The following VWDE variants were observed in gnomAD, a reference collection of about 807,000 sequenced individuals.
The protein encoded by VWDE is von Willebrand factor D and EGF domains.
VWDE carries 207 observed loss-of-function variants against 178.4 expected under a neutral mutation model. That is an observed-to-expected ratio of 1.16 (90% CI 1.04 to 1.30). The LOEUF is 1.30. Among genes scored for constraint, VWDE ranks in the 50% most tolerant of loss-of-function variants. The pLI is 0.00. For synonymous variants in VWDE, 738 were observed against 651.4 expected (o/e 1.13, Z -2.02); for missense variants, 2,287 against 1,901.3 (o/e 1.20, Z -3.77).
chr7:12,373,899 G>A lies in VWDE; in HGVS notation c.1317-652C>T, dbSNP rs180846428. ...TTATAACCGTAAAGGATTCTTGCCC[G>A]TTAGATCAGTTCCTTCAGGTTCTTA... On this transcript the variant is annotated intron_variant, in intron 9 of 28. Coordinates refer to ENST00000275358, the MANE Select transcript of VWDE (RefSeq NM_001135924.3). 2.6e-4 allele frequency among the ~76,000 whole-genome samples: 39 copies of A among 152,178 alleles called. 1 individual carries two copies. Among genetic ancestry groups the A allele is most frequent in the Admixed American group, 2.6e-3 (39 of 15,272 alleles).
chr7:12,331,172 C>T lies in VWDE; in HGVS notation c.*11G>A, dbSNP rs1398614875. 5.2e-6 allele frequency: 8 copies of T among 1,540,244 alleles called. No individual in the cohort carries two copies. In the Admixed American group the frequency reaches 9.9e-5, roughly 19 times the overall value. Reference sequence around the variant, plus strand: ...AAGATACAGGCTTGTAATTCATATACTTGATGCTACTCAATGGCGTCTTAT... The same window carrying T: ...AAGATACAGGCTTGTAATTCATATATTTGATGCTACTCAATGGCGTCTTAT... On this transcript the variant is annotated 3_prime_UTR_variant, in exon 29 of 29. Coordinates refer to ENST00000275358, the MANE Select transcript of VWDE (RefSeq NM_001135924.3).
Position 12,357,482 on chromosome 7 carries a change from T to C in VWDE, c.3308A>G (p.Asp1103Gly). The C allele has an allele frequency of 6.4e-7, 1 of 1,552,226 alleles. No homozygotes were observed. Among genetic ancestry groups the C allele is most frequent in the Non-Finnish European group, 8.7e-7 (1 of 1,147,140 alleles). The change falls in exon 17 of 29, where the codon GAC becomes GGC. Residue 1103 changes from aspartate to glycine, a missense_variant. Coordinates refer to ENST00000275358, the MANE Select transcript of VWDE (RefSeq NM_001135924.3). ...TTCACCATAAAATGTCTGTAATTTG[T>C]CTTGCAATGCTTGAATCACTGGGGG... Reference protein sequence around the residue: ...NQPPVIQALQDKLQTFYGENF... With the variant: ...NQPPVIQALQGKLQTFYGENF...
intron 1 of VWDE, among the ~76,000 whole-genome samples, chr7:12,400,193 A>G (rs1355352076): frequency 2.0e-5 from 3 of 152,128 alleles, no homozygotes; most frequent in Non-Finnish European, 4.4e-5. Context: ...ACCTAAAGGA[A>G]GCAGAAGGAA....
At chr7:12,377,417 A>G (rs565689072) in intron 7 of VWDE, 1 of 158,458 alleles carries the variant, frequency 6.3e-6, no homozygotes, top group Admixed American at 6.5e-5. Flanking sequence ...GAAAAATCTT[A>G]AAGAGCAGTT....
intron 24 of VWDE, among the ~76,000 whole-genome samples, chr7:12,338,261 G>A (rs1781142644): frequency 6.6e-6 from 1 of 151,762 alleles, no homozygotes; most frequent in Admixed American, 6.6e-5. Flanking sequence ...AGTATTTTAG[G>A]CTGAAGTTTT....
chr7:12,345,383 T>C (rs561378407), intron 19 of VWDE, among the ~76,000 whole-genome samples: 3 of 152,250 alleles, frequency 2.0e-5, no homozygotes, highest in Non-Finnish European at 2.9e-5. Flanking sequence ...CTGAAGAGTT[T>C]CATACTACCT....
intron 26 of VWDE, among the ~76,000 whole-genome samples, chr7:12,336,676 C>T (rs1781050875): frequency 6.6e-6 from 1 of 151,814 alleles, no homozygotes; most frequent in Admixed American, 6.6e-5. Context: ...GAGGTGGGGC[C>T]AAGAAGTCAG....
At chr7:12,351,547 A>G in intron 19 of VWDE, 26 bp downstream of exon 19, 1 of 1,523,218 alleles carries the variant, frequency 6.6e-7, no homozygotes, top group Non-Finnish European at 8.8e-7. Context: ...ACTTGTCATT[A>G]GATTTTAACT....
At position 12,387,493 on chromosome 7, in the gene VWDE, C is replaced by T. The variant is rs113564880; in HGVS notation, c.475+1634G>A. Reference sequence around the variant, plus strand: ...ACTGGTTTAAATTCCAAAGCTATGACGAGCAAAATAATTTTTGAGATTGGG... The same window carrying T: ...ACTGGTTTAAATTCCAAAGCTATGATGAGCAAAATAATTTTTGAGATTGGG... On this transcript the variant is annotated intron_variant, in intron 3 of 28. Coordinates refer to ENST00000275358, the MANE Select transcript of VWDE (RefSeq NM_001135924.3). Among the ~76,000 whole-genome samples the T allele has an allele frequency of 7.4e-3, 1,123 of 151,656 alleles. 13 individuals carry two copies. Among genetic ancestry groups the T allele is most frequent in the African/African-American group, 0.023 (969 of 41,314 alleles).
chr7:12,343,087 T>A lies in VWDE; in HGVS notation c.4170A>T (p.Glu1390Asp), dbSNP rs1209744256. The A allele has an allele frequency of 6.5e-7, 1 of 1,548,696 alleles. No individual in the cohort carries two copies. Among genetic ancestry groups the A allele is most frequent in the East Asian group, 2.5e-5 (1 of 40,804 alleles). The part of the protein sequence containing the change: ...CPYGFVGPRC[E>D]TMVCNRHCEN... ...CATCAGGAGAGCTTTGCTTACTTGT[T>A]TCACACCTTGGTCCTACAAAACCAT... The change falls in exon 22 of 29, where the codon GAA becomes GAT. Residue 1390 changes from glutamate to aspartate, a missense_variant. Transcript: ENST00000275358.
In VWDE at chr7:12,393,667, TG is replaced by T; in HGVS notation, c.169del (p.His57IlefsTer26). The T allele has an allele frequency of 1.3e-6, 2 of 1,551,218 alleles. No individual in the cohort carries two copies. Among genetic ancestry groups the T allele is most frequent in the South Asian group, 1.2e-5 (1 of 84,040 alleles). On this transcript the variant is annotated frameshift_variant, in exon 2 of 29. Coordinates refer to ENST00000275358, the MANE Select transcript of VWDE (RefSeq NM_001135924.3). LOFTEE classifies it high-confidence loss of function. ...QSAVQDLICD[H>X]SLSPGWYRFL... is the part of the protein sequence containing the mutation. The stretch of plus-strand genomic sequence containing the variant: ...TCTATACCATCCAGGGGAGAGGGAA[TG>T]GTCACATATTAGGTCTTGAACAGCT...
At chr7:12,358,008 C>T (rs993020990) in intron 16 of VWDE, among the ~76,000 whole-genome samples, 7 of 152,096 alleles carry the variant, frequency 4.6e-5, no homozygotes, top group South Asian at 2.1e-4. Flanking sequence ...AGCTATAATA[C>T]GTGGAAGCCA....
chr7:12,365,024 C>T (rs189287123), intron 13 of VWDE, among the ~76,000 whole-genome samples: 1 of 152,142 alleles, frequency 6.6e-6, no homozygotes, highest in East Asian at 1.9e-4. Context: ...CTGGCCAGTG[C>T]TCTTCGAAAG....
chr7:12,335,174 G>T (rs1312627340), intron 27 of VWDE, among the ~76,000 whole-genome samples: 1 of 151,996 alleles, frequency 6.6e-6, no homozygotes, highest in African/African-American at 2.4e-5. Flanking sequence ...CAATACACTT[G>T]GCCACCAATT....
At chr7:12,379,599 A>ATTTTGG (rs754081368) in intron 5 of VWDE, 33 bp from the exon 6 acceptor site, 36 of 1,474,198 alleles carry the variant, frequency 2.4e-5, no homozygotes, top group Non-Finnish European at 8.2e-6. Context: ...ATCACTTAGA[A>ATTTTGG]ATTCAATTTT....
chr7:12,360,866 T>C (rs575449426), intron 15 of VWDE, among the ~76,000 whole-genome samples: 1 of 152,330 alleles, frequency 6.6e-6, no homozygotes, highest in Admixed American at 6.5e-5. Flanking sequence ...TTATTACTAC[T>C]GAAAAAACAA....
intron 19 of VWDE, 47 bp downstream of exon 19, chr7:12,351,522 CAAGT>C: frequency 2.0e-6 from 3 of 1,489,062 alleles, no homozygotes; most frequent in Non-Finnish European, 2.7e-6. Context: ...TTCTAGAAAA[CAAGT>C]AAGAGGAATT....
chr7:12,357,269 A>G lies in VWDE; in HGVS notation c.3521T>C (p.Ile1174Thr), dbSNP rs1194892949. The change falls in exon 17 of 29, where the codon ATT (isoleucine) becomes ACT (threonine). Residue 1174 changes from isoleucine to threonine, a missense_variant. Transcript: ENST00000275358. ...TTATGTAATTATAAAGATTACCTCAATCGTGACTCTAGTTTCAGCATCGCA... is the reference window on the plus strand; with the variant it reads ...TTATGTAATTATAAAGATTACCTCAGTCGTGACTCTAGTTTCAGCATCGCA... ...DDCDAETRVT[I>T]EVTVKSCDCL... The G allele has an allele frequency of 6.4e-7, 1 of 1,552,004 alleles. No individual in the cohort carries two copies. Among genetic ancestry groups the G allele is most frequent in the Non-Finnish European group, 8.7e-7 (1 of 1,146,944 alleles).
At chr7:12,345,273 G>A (rs17149915) in intron 19 of VWDE, among the ~76,000 whole-genome samples, 52,005 of 151,798 alleles carry the variant, frequency 0.34, 9,584 homozygotes, top group Admixed American at 0.47. Flanking sequence ...TAAAATAAAC[G>A]GAAATAAGTG....
Sources: allele counts gnomAD v4.1 joint callset (sites outside exome capture counted in the v4.1 genomes callset), GRCh38; gene constraint gnomAD v4.1.1; transcripts MANE v1.5; gene names NCBI Gene and HGNC (gene_info 2026-07-23, HGNC 2026-07-21).